HDAC3: variants seen among roughly 807,000 people sequenced by gnomAD.
The protein encoded by HDAC3 is SMAP45.
HDAC3 carries 21 observed loss-of-function variants against 62.3 expected under a neutral mutation model. That is an observed-to-expected ratio of 0.34 (90% CI 0.24 to 0.49). The LOEUF (loss-of-function observed/expected upper bound fraction) is 0.49, where lower values mean the gene tolerates loss of function less well. Among genes scored for constraint, HDAC3 ranks in the 20% least tolerant of loss-of-function variants. The pLI is 0.99. For missense variants in HDAC3, 270 were observed against 556.9 expected (o/e 0.48, Z 5.19); for synonymous variants, 198 against 206.5 (o/e 0.96, Z 0.35).
At position 141,628,375 on chromosome 5, in the gene HDAC3, T is replaced by C. The variant is rs2099904746; in HGVS notation, c.691+184A>G. The C allele has an allele frequency of 1.2e-5, 9 of 727,674 alleles. No homozygotes were observed. The highest frequency in any genetic ancestry group is 2.1e-5 in the Non-Finnish European group (9 of 420,946). The allele number at this position is 727,674 out of a possible 1,614,324, so 45.1% of individuals were successfully genotyped here. A position where few individuals can be genotyped will look rare whatever the true frequency, so the allele number is the denominator to read the frequency against. ...GAGTGACTGATGAAAGCCAATGACT[T>C]TTCCCAGAAAAATGCACATACACAT... On this transcript the variant is annotated intron_variant, in intron 8 of 14. Transcript: ENST00000305264. This position sits in a 1 kb window ranked among gnomAD's most constrained non-coding sequence, Gnocchi z 4.7.
intron 3 of HDAC3, among the ~76,000 whole-genome samples, chr5:141,631,623 A>G (rs1011616943): frequency 6.6e-6 from 1 of 152,242 alleles, no homozygotes; most frequent in African/African-American, 2.4e-5. Context: ...TGACAGACGA[A>G]GAAATAGCAA....
chr5:141,631,910 A>ATAT (rs146879536), intron 3 of HDAC3, among the ~76,000 whole-genome samples: 18,709 of 152,072 alleles, frequency 0.12, 1,205 homozygotes, highest in South Asian at 0.15. Flanking sequence ...CAGTCAATTA[A>ATAT]TATTATTATT....
At chr5:141,622,657 A>G (rs2154597698) in intron 14 of HDAC3, among the ~76,000 whole-genome samples, 1 of 152,250 alleles carries the variant, frequency 6.6e-6, no homozygotes. Flanking sequence ...AGAATTGAGA[A>G]AGTCATCAAA....
chr5:141,627,848 A>G (rs758739368), intron 10 of HDAC3, 45 bp downstream of exon 10: 1 of 1,588,300 alleles, frequency 6.3e-7, no homozygotes, highest in East Asian at 2.2e-5. Context: ...CTGAAGTCCA[A>G]GGCCACTTAA....
At chr5:141,630,308 C>G (rs1327459397) in intron 3 of HDAC3, among the ~76,000 whole-genome samples, 183 bp from the exon 4 acceptor site, 2 of 152,216 alleles carry the variant, frequency 1.3e-5, no homozygotes, top group Non-Finnish European at 2.9e-5. Flanking sequence ...GTACCAAGCC[C>G]TGTGCAAGGC....
At chr5:141,632,228 T>A (rs1234677922) in intron 3 of HDAC3, among the ~76,000 whole-genome samples, 2 of 152,302 alleles carry the variant, frequency 1.3e-5, no homozygotes, top group African/African-American at 2.4e-5. Flanking sequence ...TTTCACCATG[T>A]TGGCCAGGCT....
In HDAC3 at chr5:141,628,129, C is replaced by T. The variant is rs564107499; in HGVS notation, c.750G>A (p.Thr250=). ...ACAGTATTACCTGGAGCACAATGCA[C>T]GTGGGTTGGTAGAAGTCCACTACCT... ...INQVVDFYQP[T]CIVLQCGADS... The change falls in exon 9 of 15, where the codon ACG becomes ACA. Residue 250 remains threonine, a synonymous_variant. Transcript: ENST00000305264. This position sits in a 1 kb window ranked among gnomAD's most constrained non-coding sequence, Gnocchi z 4.7. 5.6e-6 allele frequency: 9 copies of T among 1,614,040 alleles called. No individual in the cohort carries two copies. The South Asian group carries it at 7.7e-5, about 14-fold the overall frequency.
chr5:141,631,966 G>C (rs1277856829), intron 3 of HDAC3, among the ~76,000 whole-genome samples: 1 of 151,714 alleles, frequency 6.6e-6, no homozygotes, highest in African/African-American at 2.4e-5. Flanking sequence ...GAAAGGAGCT[G>C]AAAGTGGCTG....
rs1190104534 is a variant in HDAC3 at position 141,628,509 on chromosome 5, A to G, written c.691+50T>C. The G allele has an allele frequency of 1.4e-6, 2 of 1,448,422 alleles. No individual in the cohort carries two copies. Among genetic ancestry groups the G allele is most frequent in the African/African-American group, 2.8e-5 (2 of 71,628 alleles). The allele number at this position is 1,448,422 out of a possible 1,614,324, so 89.7% of individuals were successfully genotyped here. A position where few individuals can be genotyped will look rare whatever the true frequency, so the allele number is the denominator to read the frequency against. On this transcript the variant is annotated intron_variant, in intron 8 of 14. Coordinates refer to ENST00000305264, the MANE Select transcript of HDAC3 (RefSeq NM_003883.4). The surrounding 1 kb of genome is among the most constrained non-coding windows in gnomAD (Gnocchi z 4.7). ...ATACCAGGCAGAAGAGGTTATTTCA[A>G]GGAGAAAAAGAAGGGGCCTAGGGAA...
rs993595884 is a variant in HDAC3 at position 141,628,547 on chromosome 5, T to C, written c.691+12A>G. 1 of 1,607,810 alleles carries C rather than the reference T, an allele frequency of 6.2e-7. No homozygotes were observed. The highest frequency in any genetic ancestry group is 2.2e-5 in the East Asian group (1 of 44,830). On this transcript the variant is annotated intron_variant, in intron 8 of 14. Transcript: ENST00000305264. The surrounding 1 kb of genome is among the most constrained non-coding windows in gnomAD (Gnocchi z 4.7). ...GGGGCCTAGGGAACAGAGGGAAGAC[T>C]TCGGTACTTACTCTGGTCATCAATG... is the stretch of plus-strand genomic sequence containing the variant.
chr5:141,629,578 G>A lies in HDAC3; in HGVS notation c.476+106C>T. The A allele has an allele frequency of 8.6e-6, 10 of 1,156,956 alleles. No individual in the cohort carries two copies. The highest frequency in any genetic ancestry group is 1.3e-5 in the Non-Finnish European group (10 of 789,758). 71.7% of individuals were successfully genotyped at this position (1,156,956 alleles called of 1,614,324 possible). On this transcript the variant is annotated intron_variant, in intron 6 of 14. Coordinates refer to ENST00000305264, the MANE Select transcript of HDAC3 (RefSeq NM_003883.4). This position sits in a 1 kb window ranked among gnomAD's most constrained non-coding sequence, Gnocchi z 5.3. ...GCCTGAATAAAGCATCAAGAACTTGGGAGAAGCTAATCAGGGAGGAGGGAG... is the reference window on the plus strand; with the variant it reads ...GCCTGAATAAAGCATCAAGAACTTGAGAGAAGCTAATCAGGGAGGAGGGAG...
intron 2 of HDAC3, chr5:141,636,260 G>A: frequency 2.1e-6 from 1 of 470,242 alleles, no homozygotes; most frequent in South Asian, 2.6e-5. Context: ...TGCAGAGGAG[G>A]AACACACCTT....
In HDAC3 at chr5:141,628,026, C is replaced by T; in HGVS notation, c.766-69G>A. 1.3e-6 allele frequency: 2 copies of T among 1,599,654 alleles called. No individual in the cohort carries two copies. Among genetic ancestry groups the T allele is most frequent in the Non-Finnish European group, 1.7e-6 (2 of 1,166,796 alleles). ...ATCAGAACATCACAGATACCCCTTC[C>T]ACCACCAACCTAAAGAACCTCCTCT... On this transcript the variant is annotated intron_variant, in intron 9 of 14. Coordinates refer to ENST00000305264, the MANE Select transcript of HDAC3 (RefSeq NM_003883.4). This position sits in a 1 kb window ranked among gnomAD's most constrained non-coding sequence, Gnocchi z 4.7.
Position 141,626,400 on chromosome 5 carries a change from T to C in HDAC3, c.831-117A>G, listed in dbSNP as rs2099904420. The C allele has an allele frequency of 1.1e-5, 8 of 747,728 alleles. No homozygotes were observed. The East Asian group carries it at 1.9e-4, about 18-fold the overall frequency. The allele number at this position is 747,728 out of a possible 1,614,324, so 46.3% of individuals were successfully genotyped here. A position where few individuals can be genotyped will look rare whatever the true frequency, so the allele number is the denominator to read the frequency against. ...CTATAAATGTTCTAAATCTTTATCT[T>C]GATAGTGAAATTCATTATGTTATAC... On this transcript the variant is annotated intron_variant, in intron 10 of 14. Transcript: ENST00000305264. The surrounding 1 kb of genome is among the most constrained non-coding windows in gnomAD (Gnocchi z 4.6).
chr5:141,630,465 T>G (rs928334295), intron 3 of HDAC3, among the ~76,000 whole-genome samples: 24 of 152,244 alleles, frequency 1.6e-4, no homozygotes, highest in African/African-American at 5.5e-4. Flanking sequence ...CTTAGTCTTC[T>G]CAGTGTAACA....
Position 141,625,875 on chromosome 5 carries a change from T to C in HDAC3, c.980-111A>G. 7.7e-7 allele frequency: 1 copy of C among 1,295,182 alleles called. No homozygotes were observed. The highest frequency in any genetic ancestry group is 1.7e-5 in the Admixed American group (1 of 58,400). The allele number at this position is 1,295,182 out of a possible 1,614,324, so 80.2% of individuals were successfully genotyped here. ...ACCTACATAATAGCTGCCCAATCTCTTCCCTGCTCTGAGCCCAGGGGTTTA... is the reference window on the plus strand; with the variant it reads ...ACCTACATAATAGCTGCCCAATCTCCTCCCTGCTCTGAGCCCAGGGGTTTA... On this transcript the variant is annotated intron_variant, in intron 12 of 14. Coordinates refer to ENST00000305264, the MANE Select transcript of HDAC3 (RefSeq NM_003883.4). This position sits in a 1 kb window ranked among gnomAD's most constrained non-coding sequence, Gnocchi z 4.0.
At chr5:141,627,820 A>C (rs2099904656) in intron 10 of HDAC3, 73 bp downstream of exon 10, 3 of 1,334,724 alleles carry the variant, frequency 2.2e-6, no homozygotes, top group Admixed American at 1.7e-5. Context: ...CCATTCCCCA[A>C]CTACCCCCAC....
rs1321304127 is a variant in HDAC3 at position 141,630,009 on chromosome 5, G to A, written c.363+35C>T. 3.7e-6 allele frequency: 6 copies of A among 1,613,024 alleles called. No homozygotes were observed. The East Asian group carries it at 1.3e-4, about 36-fold the overall frequency. Reference sequence around the variant, plus strand: ...GTTAAATCCCGAGTCCAGGGATCCAGAGGAAAGGAAGAACAGGACTCGGGA... The same window carrying A: ...GTTAAATCCCGAGTCCAGGGATCCAAAGGAAAGGAAGAACAGGACTCGGGA... On this transcript the variant is annotated intron_variant, in intron 4 of 14. Coordinates refer to ENST00000305264, the MANE Select transcript of HDAC3 (RefSeq NM_003883.4).
rs34901743 is a variant in HDAC3, at chr5:141,621,523, T to C, written c.1232A>G (p.Asn411Ser). The change falls in exon 15 of 15, where the codon AAT (asparagine) becomes AGT (serine). Residue 411 changes from asparagine (N) to serine (S), a missense_variant. By Grantham distance (46) the Asn-to-Ser change is conservative (BLOSUM62 1). Around this residue, in one of 5 missense-constraint regions of HDAC3, gnomAD observed 44 missense variants for 64.3 expected, o/e 0.68. Coordinates refer to ENST00000305264, the MANE Select transcript of HDAC3 (RefSeq NM_003883.4). The part of the protein sequence containing the change: ...EENYSRPEAP[N>S]EFYDGDHDND... ...GTCATGGTCTCCATCATAGAACTCATTGGGTGCCTCTGGCCTGCAAAGCAA... is the reference window on the plus strand; with the variant it reads ...GTCATGGTCTCCATCATAGAACTCACTGGGTGCCTCTGGCCTGCAAAGCAA... The C allele has an allele frequency of 2.0e-3, 3,181 of 1,614,008 alleles. 70 individuals are homozygous for C. In the African/African-American group the frequency reaches 0.037, roughly 19 times the overall value.
Sources: allele counts gnomAD v4.1 joint callset (sites outside exome capture counted in the v4.1 genomes callset), GRCh38; gene constraint gnomAD v4.1.1; regional missense constraint gnomAD v4.1.1; non-coding constraint Gnocchi (gnomAD v3.1); transcripts MANE v1.5; gene names NCBI Gene and HGNC (gene_info 2026-07-23, HGNC 2026-07-21).